STX1B: variants seen among roughly 807,000 people sequenced by gnomAD.
STX1B encodes syntaxin 1B, also known as syntaxin-1B.
A neutral mutation model predicts 39.4 loss-of-function variants in STX1B; 7 were observed. The observed-to-expected ratio is 0.18, with a 90% CI of 0.10 to 0.33. The LOEUF is 0.33. STX1B is among the 10% of genes least tolerant of loss of function. The pLI is 1.00. For synonymous variants in STX1B, 136 were observed against 144.1 expected (o/e 0.94, Z 0.40); for missense variants, 198 against 383.2 (o/e 0.52, Z 4.04).
At chr16:30,999,721 G>A (rs981487745) in intron 4 of STX1B, among the ~76,000 whole-genome samples, 3 of 152,188 alleles carry the variant, frequency 2.0e-5, no homozygotes, top group East Asian at 1.9e-4. Flanking sequence ...GTGCCATGCC[G>A]GGGGCCTGCT....
At chr16:31,008,969 A>G (rs1240919110) in intron 1 of STX1B, among the ~76,000 whole-genome samples, 1 of 152,210 alleles carries the variant, frequency 6.6e-6, no homozygotes, top group Non-Finnish European at 1.5e-5. Context: ...AATGTTTATT[A>G]TTACTGTCAC....
intron 7 of STX1B, among the ~76,000 whole-genome samples, chr16:30,993,943 G>A (rs567782348): frequency 6.0e-5 from 9 of 150,468 alleles, no homozygotes; most frequent in Non-Finnish European, 1.2e-4. Flanking sequence ...CTGAGATCAC[G>A]CCACTGCACT....
chr16:30,997,699 G>T, intron 4 of STX1B, 124 bp from the exon 5 acceptor site: 1 of 896,962 alleles, frequency 1.1e-6, no homozygotes, highest in Non-Finnish European at 1.7e-6. Context: ...CATCCCCAGG[G>T]CGAGTTGCGG....
chr16:31,004,329 G>C (rs1225024891), intron 1 of STX1B, among the ~76,000 whole-genome samples: 1 of 152,128 alleles, frequency 6.6e-6, no homozygotes, highest in Non-Finnish European at 1.5e-5. Context: ...CAGTCCCCTT[G>C]GAGGTATTAT....
chr16:31,007,218 G>A (rs990726901), intron 1 of STX1B, among the ~76,000 whole-genome samples: 8 of 152,140 alleles, frequency 5.3e-5, no homozygotes, highest in Non-Finnish European at 8.8e-5. Context: ...TCAGGGCTGC[G>A]TTTCTAAAGC....
At position 30,993,216 on chromosome 16, in the gene STX1B, A is replaced by G; in HGVS notation, c.700T>C (p.Tyr234His). The G allele has an allele frequency of 6.2e-7, 1 of 1,614,116 alleles. No individual in the cohort carries two copies. Among genetic ancestry groups the G allele is most frequent in the Non-Finnish European group, 8.5e-7 (1 of 1,180,018 alleles). Residue 234 changes from tyrosine (Y) to histidine (H), a missense_variant, in exon 9 of 10, where the codon TAC (tyrosine) becomes CAC (histidine). By Grantham distance (83) the Tyr-to-His change is moderately conservative (BLOSUM62 2). Coordinates refer to ENST00000215095, the MANE Select transcript of STX1B (RefSeq NM_052874.5). ...TAGTCCACAGAATGTTCCACGTTGT[A>G]CTCGATGCGGTCAATCATCTCTCCC... ...SQGEMIDRIE[Y>H]NVEHSVDYVE...
chr16:30,993,336 A>G lies in STX1B; in HGVS notation c.675+11T>C, dbSNP rs375916889. On this transcript the variant is annotated intron_variant, in intron 8 of 9. Coordinates refer to ENST00000215095, the MANE Select transcript of STX1B (RefSeq NM_052874.5). Reference sequence around the variant, plus strand: ...AGGCTCCCAGAGTGGCATGGGTGGCAGAGCCAGTACCTGGCTCTCTACGAG... The same window carrying G: ...AGGCTCCCAGAGTGGCATGGGTGGCGGAGCCAGTACCTGGCTCTCTACGAG... The G allele has an allele frequency of 5.6e-6, 9 of 1,613,946 alleles. No homozygotes were observed. In the African/African-American group the frequency reaches 1.2e-4, roughly 22 times the overall value.
At position 30,990,743 on chromosome 16, in the gene STX1B, C is replaced by T. The variant is rs117965846; in HGVS notation, c.*2078G>A. ...ACACTGTCCTTTCTCCCACGCACCACCTACCTGCCACCAAACCCACAAATT... is the reference window on the plus strand; with the variant it reads ...ACACTGTCCTTTCTCCCACGCACCATCTACCTGCCACCAAACCCACAAATT... On this transcript the variant is annotated 3_prime_UTR_variant, in exon 10 of 10. Coordinates refer to ENST00000215095, the MANE Select transcript of STX1B (RefSeq NM_052874.5). The T allele has an allele frequency of 0.01, 1,563 of 152,360 alleles. 14 individuals are homozygous for T. The highest frequency in any genetic ancestry group is 0.019 in the Admixed American group (285 of 15,284). The allele number at this position is 152,360 out of a possible 1,614,324, so 9.4% of individuals were successfully genotyped here.
chr16:31,010,306 C>T lies in STX1B; in HGVS notation c.30+61G>A, dbSNP rs933342823. ...CGTCCCAGCACCTCCCCCACTCCATCCCCACGCGCTCCCCCAATATTGGGG... is the reference window on the plus strand; with the variant it reads ...CGTCCCAGCACCTCCCCCACTCCATTCCCACGCGCTCCCCCAATATTGGGG... On this transcript the variant is annotated intron_variant, in intron 1 of 9. Transcript: ENST00000215095. 9.3e-5 allele frequency: 39 copies of T among 417,872 alleles called. 1 individual carries two copies. The highest frequency in any genetic ancestry group is 1.7e-4 in the Non-Finnish European group (37 of 222,670). The allele number at this position is 417,872 out of a possible 1,614,324, so 25.9% of individuals were successfully genotyped here. A position where few individuals can be genotyped will look rare whatever the true frequency, so the allele number is the denominator to read the frequency against.
intron 4 of STX1B, among the ~76,000 whole-genome samples, chr16:30,997,816 C>T (rs1197896120): frequency 2.6e-5 from 4 of 152,192 alleles, no homozygotes; most frequent in African/African-American, 9.7e-5. Flanking sequence ...GTCAGAGGGT[C>T]ACCAGACAGA....
At chr16:31,008,787 AC>A (rs1205772686) in intron 1 of STX1B, among the ~76,000 whole-genome samples, 1 of 152,120 alleles carries the variant, frequency 6.6e-6, no homozygotes, top group Non-Finnish European at 1.5e-5. Flanking sequence ...CAGCTGTGTG[AC>A]TTTGGTCTAA....
In STX1B at chr16:30,996,957, C is replaced by A; in HGVS notation, c.457G>T (p.Glu153Ter). 1 of 1,613,076 alleles carries A rather than the reference C, an allele frequency of 6.2e-7. No homozygotes were observed. The highest frequency in any genetic ancestry group is 8.5e-7 in the Non-Finnish European group (1 of 1,179,726). Residue 153 changes from glutamate to a stop codon, truncating the protein, a stop_gained, in exon 6 of 10, where the codon GAG (glutamate) becomes TAG (stop). Coordinates refer to ENST00000215095, the MANE Select transcript of STX1B (RefSeq NM_052874.5). LOFTEE classifies it high-confidence loss of function. ...GGGTGGGGGGCACACGCACTGATCT[C>A]CAGTTGCCGCTGGATCCGGTCCTTG... ...RCKDRIQRQL[E>*]ITGRTTTNEE...
In STX1B at chr16:31,000,313, T is replaced by G. The variant is rs186927084; in HGVS notation, c.280+615A>C. 8.1e-3 allele frequency among the ~76,000 whole-genome samples: 1,127 copies of G among 139,990 alleles called. 16 individuals carry two copies. The highest frequency in any genetic ancestry group is 0.015 in the African/African-American group (550 of 37,552). 91.8% of individuals were successfully genotyped at this position (139,990 alleles called of 152,430 possible). A position where few individuals can be genotyped will look rare whatever the true frequency, so the allele number is the denominator to read the frequency against. On this transcript the variant is annotated intron_variant, in intron 4 of 9. Transcript: ENST00000215095. ...GAGCTACCACGCCCAGTCCCTTTTT[T>G]TTTGTTTGTTTGTTTTTTGTTTTTT...
At position 30,990,240 on chromosome 16, in the gene STX1B, C is replaced by G. The variant is rs1596711941; in HGVS notation, c.*2581G>C. 1 of 152,282 alleles carries G rather than the reference C, an allele frequency of 6.6e-6. No homozygotes were observed. Among genetic ancestry groups the G allele is most frequent in the Non-Finnish European group, 1.5e-5 (1 of 68,140 alleles). The allele number at this position is 152,282 out of a possible 1,614,324, so 9.4% of individuals were successfully genotyped here. On this transcript the variant is annotated 3_prime_UTR_variant, in exon 10 of 10. Transcript: ENST00000215095. The stretch of plus-strand genomic sequence containing the variant: ...TGAATGGGGGTCCTGTCCAGGCGGC[C>G]GGAAGAGGGGACTGGGGGCTGGGGC...
intron 5 of STX1B, 142 bp downstream of exon 5, chr16:30,997,360 C>T (rs2056600398): frequency 2.7e-6 from 2 of 753,326 alleles, no homozygotes; most frequent in South Asian, 3.4e-5. Context: ...GCCCCGCCCG[C>T]TCTAGCCTCG....
rs1194803954 is a variant in STX1B, at chr16:30,992,662, G to A, written c.*159C>T. 12 of 529,704 alleles carry A rather than the reference G, an allele frequency of 2.3e-5. No homozygotes were observed. The highest frequency in any genetic ancestry group is 3.7e-5 in the Non-Finnish European group (11 of 294,948). 32.8% of individuals were successfully genotyped at this position (529,704 alleles called of 1,614,324 possible). ...GGGACGGGGGGGGGGTCCATGGCCC[G>A]GTGAGGTCCAGGGACACCAGGGTCT... On this transcript the variant is annotated 3_prime_UTR_variant, in exon 10 of 10. Coordinates refer to ENST00000215095, the MANE Select transcript of STX1B (RefSeq NM_052874.5).
chr16:30,993,044 G>A (rs1203923292), intron 9 of STX1B, 86 bp downstream of exon 9: 13 of 1,416,142 alleles, frequency 9.2e-6, no homozygotes, highest in Non-Finnish European at 1.3e-5. Flanking sequence ...CAGAGATAAG[G>A]CCTCCCGCCC....
At chr16:30,995,220 C>T (rs1027468462) in intron 7 of STX1B, among the ~76,000 whole-genome samples, 5 of 152,260 alleles carry the variant, frequency 3.3e-5, no homozygotes, top group African/African-American at 1.2e-4. Context: ...TCAAGCCCTC[C>T]ATCCTCCTTG....
intron 1 of STX1B, among the ~76,000 whole-genome samples, chr16:31,002,919 G>A (rs1243287216): frequency 3.9e-5 from 6 of 152,182 alleles, no homozygotes; most frequent in Non-Finnish European, 8.8e-5. Context: ...CAGGGTCCCA[G>A]CGGAACGCAG....
Sources: allele counts gnomAD v4.1 joint callset (sites outside exome capture counted in the v4.1 genomes callset), GRCh38; gene constraint gnomAD v4.1.1; transcripts MANE v1.5; gene names NCBI Gene and HGNC (gene_info 2026-07-23, HGNC 2026-07-21).